Variants in TBCD observed in about 807,000 individuals in gnomAD.
TBCD encodes tubulin-specific chaperone D.
In TBCD, 105 loss-of-function variants were observed where a neutral mutation model predicts 169.3. That is an observed-to-expected ratio of 0.62 (90% CI 0.53 to 0.73). The LOEUF is 0.73. TBCD is among the 30% of genes least tolerant of loss of function. TBCD has a pLI of 0.00. For synonymous variants in TBCD, 700 were observed against 643.9 expected, an observed-to-expected ratio of 1.09 and a Z score of -1.32; for missense variants, 1,444 against 1,600.1, an observed-to-expected ratio of 0.90 and a Z score of 1.66.
chr17:82,779,055 A>G (rs1001762918), intron 6 of TBCD, among the ~76,000 whole-genome samples: 2 of 150,108 alleles, frequency 1.3e-5, no homozygotes. Context: ...CTCTGTTGCT[A>G]GGCTGGAGTG....
chr17:82,800,157 TC>T (rs140148423), intron 8 of TBCD, among the ~76,000 whole-genome samples: 3,092 of 152,190 alleles, frequency 0.02, 110 homozygotes, highest in African/African-American at 0.07. Context: ...CTTGTCCATT[TC>T]ACTTCCAGCC....
At chr17:82,910,711 G>A (rs1405386419) in intron 22 of TBCD, among the ~76,000 whole-genome samples, 1 of 152,006 alleles carries the variant, frequency 6.6e-6, no homozygotes, top group Non-Finnish European at 1.5e-5. Context: ...GACTACAGGT[G>A]CCCCCCATCA....
intron 18 of TBCD, 82 bp downstream of exon 18, chr17:82,900,813 T>G: frequency 9.6e-7 from 1 of 1,040,714 alleles, no homozygotes; most frequent in Non-Finnish European, 1.5e-6. Context: ...GCCTTGAGTG[T>G]ATTTTCTCAC....
rs950798728 is a variant in TBCD, at chr17:82,890,563, C to T, written c.1563+866C>T. Among the ~76,000 whole-genome samples, 1 of 152,168 alleles carries T rather than the reference C, an allele frequency of 6.6e-6. No homozygotes were observed. Among genetic ancestry groups the T allele is most frequent in the Non-Finnish European group, 1.5e-5 (1 of 68,034 alleles). Reference sequence around the variant, plus strand: ...CACAGGAAAAGCCGGATGCCAGAGTCAGCTGGAGAGGCGGGCGGACGAGGA... The same window carrying T: ...CACAGGAAAAGCCGGATGCCAGAGTTAGCTGGAGAGGCGGGCGGACGAGGA... On this transcript the variant is annotated intron_variant, in intron 16 of 38. Transcript: ENST00000355528. The surrounding 1 kb of genome is among the most constrained non-coding windows in gnomAD (Gnocchi z 5.3).
At chr17:82,908,387 G>A (rs746157899) in intron 21 of TBCD, 6 of 456,120 alleles carry the variant, frequency 1.3e-5, no homozygotes, top group African/African-American at 2.0e-5. Context: ...GAGACAGTGT[G>A]TTCATCTTTC....
At position 82,887,168 on chromosome 17, in the gene TBCD, T is replaced by TGTGTGTGTGTGTGCGCGCGCGC; in HGVS notation, c.1534-2499_1534-2498insTGTGTGTGTGTGCGCGCGCGCG. 1.3e-3 allele frequency among the ~76,000 whole-genome samples: 163 copies of TGTGTGTGTGTGTGCGCGCGCGC among 126,172 alleles called. 1 individual carries two copies. Among genetic ancestry groups the TGTGTGTGTGTGTGCGCGCGCGC allele is most frequent in the Non-Finnish European group, 2.4e-3 (141 of 59,898 alleles). 82.8% of individuals were successfully genotyped at this position (126,172 alleles called of 152,430 possible). A position where few individuals can be genotyped will look rare whatever the true frequency, so the allele number is the denominator to read the frequency against. Reference sequence around the variant, plus strand: ...GTGTGTGTGTGTGTGTGTGTGTGTGTGCGCGCGCGCGCACGTGCGCTCACG... The same window carrying TGTGTGTGTGTGTGCGCGCGCGC: ...GTGTGTGTGTGTGTGTGTGTGTGTGTGTGTGTGTGTGTGCGCGCGCGCGCGCGCGCGCGCACGTGCGCTCACG... On this transcript the variant is annotated intron_variant, in intron 15 of 38. Coordinates refer to ENST00000355528, the MANE Select transcript of TBCD (RefSeq NM_005993.5).
chr17:82,874,573 T>C lies in TBCD; in HGVS notation c.1475+4193T>C, dbSNP rs1472807727. Among the ~76,000 whole-genome samples the C allele has an allele frequency of 2.0e-5, 3 of 152,030 alleles. No homozygotes were observed. Among genetic ancestry groups the C allele is most frequent in the African/African-American group, 7.2e-5 (3 of 41,390 alleles). ...GCCATCCCGGCCGCAGACCCAAGGG[T>C]GCCCTTGGAGCCGTGCCCGCCGGCC... On this transcript the variant is annotated intron_variant, in intron 14 of 38. Coordinates refer to ENST00000355528, the MANE Select transcript of TBCD (RefSeq NM_005993.5). The surrounding 1 kb of genome is among the most constrained non-coding windows in gnomAD (Gnocchi z 5.0).
intron 36 of TBCD, 128 bp from the exon 37 acceptor site, chr17:82,939,239 G>T: frequency 1.3e-6 from 1 of 743,630 alleles, no homozygotes; most frequent in Non-Finnish European, 2.3e-6. Flanking sequence ...GGCTGGGATG[G>T]GATGCAGGGT....
At chr17:82,844,781 T>C (rs2054860539) in intron 13 of TBCD, among the ~76,000 whole-genome samples, 1 of 152,206 alleles carries the variant, frequency 6.6e-6, no homozygotes, top group Non-Finnish European at 1.5e-5. Context: ...GCGATTAGGT[T>C]TTTGACCAAA....
At chr17:82,759,122 T>C (rs2047611651) in intron 2 of TBCD, among the ~76,000 whole-genome samples, 1 of 152,134 alleles carries the variant, frequency 6.6e-6, no homozygotes, top group Non-Finnish European at 1.5e-5. Context: ...TTAAGTGATC[T>C]TCTCACTTCA....
At chr17:82,934,479 A>AT (rs570552657) in intron 34 of TBCD, among the ~76,000 whole-genome samples, 2,108 of 150,654 alleles carry the variant, frequency 0.014, 24 homozygotes, top group Non-Finnish European at 0.021. Context: ...CTCCATTTAA[A>AT]TTTTTTTTTT....
At chr17:82,770,196 A>G (rs599314) in intron 5 of TBCD, among the ~76,000 whole-genome samples, 74,188 of 152,030 alleles carry the variant, frequency 0.49, 19,175 homozygotes, top group African/African-American at 0.68. Context: ...GATGTCAGAA[A>G]GTGTCCCCCT....
intron 9 of TBCD, among the ~76,000 whole-genome samples, chr17:82,802,995 GT>G (rs1216686752): frequency 6.6e-6 from 1 of 152,238 alleles, no homozygotes; most frequent in African/African-American, 2.4e-5. Flanking sequence ...TCCCCGTCTT[GT>G]GTTTTTCTCT....
At chr17:82,791,384 C>T (rs1282757729) in intron 7 of TBCD, among the ~76,000 whole-genome samples, 1 of 152,184 alleles carries the variant, frequency 6.6e-6, no homozygotes, top group African/African-American at 2.4e-5. Context: ...AACCACTGTG[C>T]CCGGCCATGG....
chr17:82,866,047 T>A (rs888104882), intron 13 of TBCD, among the ~76,000 whole-genome samples: 1 of 152,236 alleles, frequency 6.6e-6, no homozygotes, highest in Non-Finnish European at 1.5e-5. Context: ...TTGGATAGTT[T>A]CCTTATTTTA....
At chr17:82,881,797 A>T (rs531662162) in intron 14 of TBCD, among the ~76,000 whole-genome samples, 23 of 152,234 alleles carry the variant, frequency 1.5e-4, no homozygotes, top group Non-Finnish European at 2.9e-4. Flanking sequence ...TCCTATGTTT[A>T]TGCTATATTG....
chr17:82,828,744 CAG>C (rs1330314224), intron 13 of TBCD, among the ~76,000 whole-genome samples: 1 of 131,830 alleles, frequency 7.6e-6, no homozygotes, highest in African/African-American at 2.6e-5. Flanking sequence ...TGCACACACC[CAG>C]AGATGCACAC....
chr17:82,937,993 TG>T lies in TBCD; in HGVS notation c.3282-52del, dbSNP rs748678150. The T allele has an allele frequency of 3.6e-5, 58 of 1,602,124 alleles. No individual in the cohort carries two copies. The African/African-American group carries it at 7.8e-4, about 21-fold the overall frequency. On this transcript the variant is annotated intron_variant, in intron 35 of 38. Transcript: ENST00000355528. ...ATGGGCCTTTGGGTCCGGGGTTTGC[TG>T]GGGTTGGCCTGCGCGGGGTGGGGCT...
chr17:82,791,805 G>A (rs1313750192), intron 7 of TBCD, among the ~76,000 whole-genome samples: 2 of 152,126 alleles, frequency 1.3e-5, no homozygotes, highest in Non-Finnish European at 2.9e-5. Context: ...GGGCAGTGTC[G>A]TCGTGTGAAC....
Sources: gnomAD v4.1 joint callset for allele counts (sites outside exome capture counted in the v4.1 genomes callset) on GRCh38, gnomAD v4.1.1 for gene constraint, Gnocchi (gnomAD v3.1) non-coding constraint, MANE v1.5 for transcripts, NCBI Gene and HGNC (gene_info 2026-07-23, HGNC 2026-07-21) for gene names.